Variants in SERINC5 observed in about 807,000 individuals in gnomAD.
The protein encoded by SERINC5 is serine incorporator 5.
A neutral mutation model predicts 63.1 loss-of-function variants in SERINC5; 41 were observed. The ratio of observed to expected loss-of-function variants is 0.65; its 90% confidence interval spans 0.51 to 0.84. The LOEUF (loss-of-function observed/expected upper bound fraction) is 0.84. Among genes scored for constraint, SERINC5 ranks in the 40% least tolerant of loss-of-function variants. The pLI, the probability that SERINC5 is intolerant of heterozygous loss-of-function variation, is 0.00. For synonymous variants in SERINC5, 222 were observed against 215.2 expected (o/e 1.03, Z -0.28); for missense variants, 523 against 573.0 (o/e 0.91, Z 0.89).
At chr5:80,226,083 T>A (rs111864579) in intron 1 of SERINC5, among the ~76,000 whole-genome samples, 1,797 of 150,172 alleles carry the variant, frequency 0.012, 44 homozygotes, top group African/African-American at 0.041. Context: ...TTTGAGACAG[T>A]GTCTCACTCT....
intron 1 of SERINC5, among the ~76,000 whole-genome samples, chr5:80,231,752 A>T (rs1751447197): frequency 6.6e-6 from 1 of 152,212 alleles, no homozygotes; most frequent in African/African-American, 2.4e-5. Context: ...GGAACTGGAT[A>T]TTCAAATGCA....
chr5:80,242,959 A>G (rs190623789), intron 1 of SERINC5, among the ~76,000 whole-genome samples: 2 of 152,238 alleles, frequency 1.3e-5, no homozygotes, highest in Admixed American at 1.3e-4. Flanking sequence ...TCCCTGCTAT[A>G]CAAACCTCTA....
At chr5:80,112,937 C>T (rs1435917947) in intron 12 of SERINC5, among the ~76,000 whole-genome samples, 3 of 152,086 alleles carry the variant, frequency 2.0e-5, no homozygotes, top group Non-Finnish European at 4.4e-5. Flanking sequence ...GCACTCCAGC[C>T]TGGACAATAA....
intron 1 of SERINC5, among the ~76,000 whole-genome samples, chr5:80,243,958 G>C (rs928411413): frequency 1.3e-5 from 2 of 151,996 alleles, no homozygotes; most frequent in African/African-American, 4.8e-5. Context: ...AGAAAAAAGG[G>C]GATGGAGGGC....
intron 8 of SERINC5, among the ~76,000 whole-genome samples, chr5:80,155,292 T>G (rs757194562): frequency 6.6e-6 from 1 of 152,154 alleles, no homozygotes; most frequent in Non-Finnish European, 1.5e-5. Flanking sequence ...GGGCTGGCCA[T>G]GGCGGCTCAC....
chr5:80,202,265 C>A (rs1749885690), intron 2 of SERINC5, among the ~76,000 whole-genome samples: 1 of 152,018 alleles, frequency 6.6e-6, no homozygotes. Flanking sequence ...GAAATCCTGG[C>A]AGCCATCCTA....
chr5:80,193,717 C>T (rs769984183), intron 2 of SERINC5, among the ~76,000 whole-genome samples: 20 of 152,126 alleles, frequency 1.3e-4, no homozygotes, highest in Admixed American at 3.3e-4. Context: ...CAAATTGCTG[C>T]CTCCAGTACA....
At chr5:80,154,897 G>A (rs1035379764) in intron 8 of SERINC5, among the ~76,000 whole-genome samples, 1 of 152,076 alleles carries the variant, frequency 6.6e-6, no homozygotes, top group Admixed American at 6.5e-5. Flanking sequence ...ATATAATTAC[G>A]CAAGTCATCC....
chr5:80,134,408 C>T (rs899206238), downstream of SERINC5, among the ~76,000 whole-genome samples: 1 of 152,124 alleles, frequency 6.6e-6, no homozygotes. Flanking sequence ...ATCGTTTGAA[C>T]CCAGGAGGTG....
At chr5:80,197,138 C>G (rs956614887) in intron 2 of SERINC5, among the ~76,000 whole-genome samples, 4 of 151,932 alleles carry the variant, frequency 2.6e-5, no homozygotes, top group Non-Finnish European at 5.9e-5. Flanking sequence ...CACCTGAGGT[C>G]AGGAGTTCGA....
chr5:80,167,286 A>G (rs1747363998), intron 6 of SERINC5: 1 of 152,004 alleles, frequency 6.6e-6, no homozygotes, highest in Admixed American at 6.6e-5. Context: ...CTATGTGTCC[A>G]CATGTTCTCA....
rs192327033 is a variant in SERINC5 at position 80,119,827 on chromosome 5, G to A, written c.1239-6202C>T. Among the ~76,000 whole-genome samples the A allele has an allele frequency of 5.1e-4, 77 of 152,280 alleles. 1 individual carries two copies. In the East Asian group the frequency reaches 0.014, roughly 28 times the overall value. On this transcript the variant is annotated intron_variant, in intron 11 of 12. Transcript: ENST00000509193. The stretch of plus-strand genomic sequence containing the variant: ...TGGTTAAACAAAGCTTCAACAGAGT[G>A]GGGATAGGAACCAACCATTTTAAAT...
Position 80,113,368 on chromosome 5 carries a change from C to T in SERINC5, c.*29+204G>A, listed in dbSNP as rs549257567. Among the ~76,000 whole-genome samples the T allele has an allele frequency of 2.0e-5, 3 of 152,210 alleles. No individual in the cohort carries two copies. The East Asian group carries it at 5.8e-4, about 29-fold the overall frequency. ...CATTTCTAGTCTGCATTCTGCTTGA[C>T]TCTCGTGTGGCTGAACATTTTTTTC... is the stretch of plus-strand genomic sequence containing the variant. On this transcript the variant is annotated intron_variant, in intron 12 of 12. Transcript: ENST00000509193.
intron 1 of SERINC5, among the ~76,000 whole-genome samples, chr5:80,207,169 T>G (rs1053957249): frequency 6.6e-6 from 1 of 152,018 alleles, no homozygotes; most frequent in Non-Finnish European, 1.5e-5. Context: ...TGGCTAATTT[T>G]TTGTATTTTT....
intron 11 of SERINC5, chr5:80,113,659 A>G: frequency 4.0e-6 from 1 of 252,988 alleles, no homozygotes; most frequent in Non-Finnish European, 8.1e-6. Context: ...AAAGAGGGAG[A>G]AGCAAAAGCA....
At chr5:80,179,169 C>G (rs946041484) in intron 2 of SERINC5, among the ~76,000 whole-genome samples, 17 of 151,872 alleles carry the variant, frequency 1.1e-4, no homozygotes, top group Admixed American at 1.1e-3. Context: ...TGTGGTGGCT[C>G]GTGCCTGTAA....
intron 2 of SERINC5, among the ~76,000 whole-genome samples, chr5:80,195,700 G>A (rs546958770): frequency 2.6e-5 from 4 of 152,222 alleles, no homozygotes; most frequent in South Asian, 4.1e-4. Context: ...CAAACATAAC[G>A]GATCAAAGAA....
intron 1 of SERINC5, among the ~76,000 whole-genome samples, chr5:80,218,622 C>G (rs541709681): frequency 1.2e-3 from 189 of 151,748 alleles, no homozygotes; most frequent in Non-Finnish European, 2.2e-3. Context: ...TTGCAGTGAG[C>G]CGAGATCACG....
At chr5:80,251,279 AATACATAC>A (rs762762605) in intron 1 of SERINC5, among the ~76,000 whole-genome samples, 2 of 133,766 alleles carry the variant, frequency 1.5e-5, no homozygotes, top group African/African-American at 2.9e-5. Context: ...CCCATCTTTA[AATACATAC>A]ATGCATACAT....
Sources: gnomAD v4.1 joint callset for allele counts (sites outside exome capture counted in the v4.1 genomes callset) on GRCh38, gnomAD v4.1.1 for gene constraint, MANE v1.5 for transcripts, NCBI Gene and HGNC (gene_info 2026-07-23, HGNC 2026-07-21) for gene names.